The following TXNDC15 variants were observed in gnomAD, a reference collection of about 807,000 sequenced individuals.
TXNDC15 encodes thioredoxin domain-containing protein 15.
Under a neutral mutation model 35.0 loss-of-function variants are expected in TXNDC15, and 24 were observed. The observed-to-expected ratio is 0.68, with a 90% CI of 0.50 to 0.96. The LOEUF (loss-of-function observed/expected upper bound fraction) is 0.96, where lower values mean the gene tolerates loss of function less well. Among genes scored for constraint, TXNDC15 ranks in the 40% least tolerant of loss-of-function variants. The probability of loss-of-function intolerance (pLI) is 0.00; values close to 1 mark genes in which losing one functional copy is unlikely to be tolerated. For missense variants in TXNDC15, 385 were observed against 453.3 expected, an observed-to-expected ratio of 0.85 and a Z score of 1.37; for synonymous variants, 169 against 174.0, an observed-to-expected ratio of 0.97 and a Z score of 0.23.
chr5:134,881,716 C>T (rs528387429), intron 1 of TXNDC15, among the ~76,000 whole-genome samples: 11 of 148,448 alleles, frequency 7.4e-5, no homozygotes, highest in Admixed American at 2.0e-4. Flanking sequence ...ACCTCCCAGA[C>T]GGGGTGGTGG....
chr5:134,881,169 C>A (rs1415087786), intron 1 of TXNDC15, among the ~76,000 whole-genome samples: 3 of 77,914 alleles, frequency 3.9e-5, no homozygotes, highest in Non-Finnish European at 7.7e-5. Context: ...TGGATAGGTT[C>A]TTTTTATTTA....
At chr5:134,883,587 C>CAAAAAAAAAAAAAAAAA (rs60114636) in intron 1 of TXNDC15, among the ~76,000 whole-genome samples, 10 of 65,358 alleles carry the variant, frequency 1.5e-4, no homozygotes, top group African/African-American at 6.8e-4. Flanking sequence ...GACCCTGTCT[C>CAAAAAAAAAAAAAAAAA]AAAAAAAAAA....
chr5:134,887,594 T>A lies in TXNDC15; in HGVS notation c.104-101T>A. 1.4e-6 allele frequency: 2 copies of A among 1,455,280 alleles called. 1 individual carries two copies. Among genetic ancestry groups the A allele is most frequent in the South Asian group, 2.9e-5 (2 of 68,418 alleles). The allele number at this position is 1,455,280 out of a possible 1,614,324, so 90.1% of individuals were successfully genotyped here. A position where few individuals can be genotyped will look rare whatever the true frequency, so the allele number is the denominator to read the frequency against. On this transcript the variant is annotated intron_variant, in intron 1 of 4. Coordinates refer to ENST00000358387, the MANE Select transcript of TXNDC15 (RefSeq NM_024715.4). ...AGTTTAATGAAAGGAGACCTTTTTGTCTCCAGAGGGGAAAATTTCGTGTTA... is the reference window on the plus strand; with the variant it reads ...AGTTTAATGAAAGGAGACCTTTTTGACTCCAGAGGGGAAAATTTCGTGTTA...
intron 2 of TXNDC15, chr5:134,892,302 G>T (rs1255857795): frequency 6.6e-6 from 1 of 152,134 alleles, no homozygotes; most frequent in African/African-American, 2.4e-5. Flanking sequence ...GCTAATTTCA[G>T]ACTTTTCCTC....
intron 1 of TXNDC15, among the ~76,000 whole-genome samples, chr5:134,886,519 G>T (rs565596525): frequency 6.6e-6 from 1 of 152,372 alleles, no homozygotes; most frequent in East Asian, 1.9e-4. Context: ...GACTACCTGG[G>T]ACTCTTCCCT....
chr5:134,897,870 A>G (rs1385773473), intron 4 of TXNDC15, among the ~76,000 whole-genome samples: 3 of 151,986 alleles, frequency 2.0e-5, no homozygotes, highest in Admixed American at 2.0e-4. Context: ...CTAGCTGGGG[A>G]TGGTGGTGGG....
intron 2 of TXNDC15, chr5:134,892,965 A>AGTATAT (rs1489793532): frequency 2.6e-5 from 4 of 153,976 alleles, no homozygotes; most frequent in Non-Finnish European, 5.8e-5. Context: ...ATCATAGATC[A>AGTATAT]CCATAACAGA....
intron 1 of TXNDC15, among the ~76,000 whole-genome samples, chr5:134,880,305 A>G (rs1026424264): frequency 1.3e-5 from 2 of 152,160 alleles, no homozygotes; most frequent in Non-Finnish European, 2.9e-5. Context: ...ATGTGGATCC[A>G]TATTTCCATC....
At chr5:134,897,383 G>T (rs868782551) in intron 4 of TXNDC15, among the ~76,000 whole-genome samples, 3 of 151,498 alleles carry the variant, frequency 2.0e-5, no homozygotes, top group African/African-American at 7.3e-5. Context: ...TAGTAGCTGG[G>T]ATTATAGGTG....
chr5:134,874,456 C>T lies in TXNDC15; in HGVS notation c.29C>T (p.Pro10Leu), dbSNP rs769032888. ...GTCCCGGCTGCCGGTCGACGACCGC[C>T]CCGCGTCATGCGGCTCCTCGGCTGG... MVPAAGRRP[P>L]RVMRLLGWWQ... is the part of the protein sequence containing the mutation. Residue 10 changes from proline to leucine, a missense_variant, in exon 1 of 5, where the codon CCC (proline) becomes CTC (leucine). Physicochemically the swap from Pro to Leu is moderately conservative, Grantham distance 98 (BLOSUM62 -3). Transcript: ENST00000358387. The T allele has an allele frequency of 5.0e-6, 8 of 1,604,680 alleles. No homozygotes were observed. Among genetic ancestry groups the T allele is most frequent in the Non-Finnish European group, 5.9e-6 (7 of 1,177,712 alleles).
At chr5:134,881,231 G>A (rs1213349716) in intron 1 of TXNDC15, among the ~76,000 whole-genome samples, 8 of 107,038 alleles carry the variant, frequency 7.5e-5, no homozygotes, top group Non-Finnish European at 1.3e-4. Context: ...GGTGTTTCTC[G>A]CAGAGGGGGA....
chr5:134,881,954 C>A (rs1225688673), intron 1 of TXNDC15, among the ~76,000 whole-genome samples: 1 of 150,348 alleles, frequency 6.7e-6, no homozygotes, highest in Non-Finnish European at 1.5e-5. Flanking sequence ...CTGACCCCCC[C>A]ACCTCCCTCC....
intron 1 of TXNDC15, among the ~76,000 whole-genome samples, chr5:134,878,109 A>C (rs1482064279): frequency 6.6e-6 from 1 of 151,326 alleles, no homozygotes; most frequent in East Asian, 1.9e-4. Context: ...ATGGGGTTTC[A>C]CCATGTTGGC....
At chr5:134,876,158 C>G (rs764719956) in intron 1 of TXNDC15, among the ~76,000 whole-genome samples, 14 of 152,172 alleles carry the variant, frequency 9.2e-5, no homozygotes, top group Non-Finnish European at 2.1e-4. Context: ...AACTGCTAGC[C>G]TCACAGAGGG....
At chr5:134,896,104 G>GC (rs1156450248) in intron 3 of TXNDC15, 190 bp from the exon 4 acceptor site, 4 of 506,384 alleles carry the variant, frequency 7.9e-6, no homozygotes, top group South Asian at 2.7e-5. Flanking sequence ...GAAAAGGAGT[G>GC]CCCCCCAGCC....
At chr5:134,898,787 T>C (rs779806337) in intron 4 of TXNDC15, among the ~76,000 whole-genome samples, 1 of 152,028 alleles carries the variant, frequency 6.6e-6, no homozygotes, top group Non-Finnish European at 1.5e-5. Flanking sequence ...ATTAAAAGCA[T>C]TTTGGGGCTG....
chr5:134,897,154 G>A (rs1050370068), intron 4 of TXNDC15, among the ~76,000 whole-genome samples: 13 of 151,194 alleles, frequency 8.6e-5, no homozygotes, highest in Admixed American at 2.6e-4. Context: ...GGCTGGTCTC[G>A]ATCTCCTGGC....
intron 1 of TXNDC15, among the ~76,000 whole-genome samples, chr5:134,879,821 G>T (rs919511154): frequency 7.1e-6 from 1 of 139,976 alleles, no homozygotes; most frequent in Non-Finnish European, 1.5e-5. Context: ...TGGATACAGA[G>T]CCTTGCTCTG....
intron 1 of TXNDC15, among the ~76,000 whole-genome samples, chr5:134,877,934 C>T (rs777172480): frequency 2.6e-5 from 4 of 152,100 alleles, no homozygotes; most frequent in Non-Finnish European, 2.9e-5. Flanking sequence ...CACTACACCC[C>T]GGCTAATTTT....
Sources: allele counts gnomAD v4.1 joint callset (sites outside exome capture counted in the v4.1 genomes callset), GRCh38; gene constraint gnomAD v4.1.1; transcripts MANE v1.5; gene names NCBI Gene and HGNC (gene_info 2026-07-23, HGNC 2026-07-21).